Variants in ARMH1 observed in about 807,000 individuals in gnomAD.
ARMH1 encodes armadillo-like helical domain containing protein 1.
Under a neutral mutation model 50.2 loss-of-function variants are expected in ARMH1, and 34 were observed. The observed-to-expected ratio is 0.68, with a 90% CI of 0.51 to 0.90. ARMH1 has a LOEUF of 0.90. Among genes scored for constraint, ARMH1 ranks in the 40% least tolerant of loss-of-function variants. The probability of loss-of-function intolerance (pLI) is 0.00; values close to 1 mark genes in which losing one functional copy is unlikely to be tolerated. For synonymous variants in ARMH1, 221 were observed against 224.2 expected (o/e 0.99, Z 0.13); for missense variants, 538 against 553.9 (o/e 0.97, Z 0.29).
Position 44,683,583 on chromosome 1 carries a change from G to C in ARMH1, c.-22-6093G>C, listed in dbSNP as rs1375235400. Among the ~76,000 whole-genome samples the C allele has an allele frequency of 1.3e-5, 2 of 152,238 alleles. No homozygotes were observed. The highest frequency in any genetic ancestry group is 2.9e-5 in the Non-Finnish European group (2 of 68,052). On this transcript the variant is annotated intron_variant, in intron 1 of 11. Coordinates refer to ENST00000535358, the MANE Select transcript of ARMH1 (RefSeq NM_001145636.2). The surrounding 1 kb of genome is among the most constrained non-coding windows in gnomAD (Gnocchi z 4.2). Reference sequence around the variant, plus strand: ...GAAAAGAGTCATTCACAATCCATCAGAGAGACCAAGCACGCTGGGACGGTG... The same window carrying C: ...GAAAAGAGTCATTCACAATCCATCACAGAGACCAAGCACGCTGGGACGGTG...
intron 6 of ARMH1, among the ~76,000 whole-genome samples, chr1:44,707,237 T>C (rs1646385438): frequency 6.6e-6 from 1 of 151,932 alleles, no homozygotes; most frequent in Non-Finnish European, 1.5e-5. Context: ...AGGTCCTCAT[T>C]GCATGTTTGC....
intron 1 of ARMH1, among the ~76,000 whole-genome samples, chr1:44,675,561 G>A (rs1305499003): frequency 6.6e-6 from 1 of 152,152 alleles, no homozygotes; most frequent in Admixed American, 6.5e-5. Flanking sequence ...TACTTGGAAA[G>A]CTGAGGTGGG....
intron 6 of ARMH1, 79 bp downstream of exon 6, chr1:44,704,252 A>G: frequency 2.7e-6 from 3 of 1,096,184 alleles, no homozygotes; most frequent in Non-Finnish European, 4.1e-6. Context: ...TTAGTCACAA[A>G]GAGCCTTGAT....
rs1005866336 is a variant in ARMH1 at position 44,725,182 on chromosome 1, A to T, written c.1175A>T (p.Asp392Val). 1.9e-5 allele frequency: 30 copies of T among 1,551,920 alleles called. No homozygotes were observed. The highest frequency in any genetic ancestry group is 2.5e-5 in the Non-Finnish European group (29 of 1,147,056). Residue 392 changes from aspartate to valine, a missense_variant, in exon 11 of 12, where the codon GAC becomes GTC. Asp to Val is a radical substitution (Grantham distance 152, BLOSUM62 -3). Coordinates refer to ENST00000535358, the MANE Select transcript of ARMH1 (RefSeq NM_001145636.2). ...ATGAAAATAGACAGCATTCAGGCGG[A>T]CATCTTGGCGGCCAACACAGTCAAT... ...LYMKIDSIQADILAANTVNVT... is the reference protein window; with the variant it reads ...LYMKIDSIQAVILAANTVNVT...
intron 6 of ARMH1, among the ~76,000 whole-genome samples, chr1:44,713,097 C>A (rs1361285952): frequency 8.4e-6 from 1 of 118,858 alleles, no homozygotes; most frequent in Non-Finnish European, 1.7e-5. Flanking sequence ...TGCGCCCGGC[C>A]TTTTTTTTTT....
chr1:44,690,596 A>G (rs1645629436), intron 2 of ARMH1, among the ~76,000 whole-genome samples: 2 of 152,084 alleles, frequency 1.3e-5, no homozygotes, highest in South Asian at 4.1e-4. Context: ...AATCTCTTCT[A>G]CTTTAAAAAA....
At chr1:44,709,486 C>A (rs983367380) in intron 6 of ARMH1, among the ~76,000 whole-genome samples, 4 of 152,126 alleles carry the variant, frequency 2.6e-5, no homozygotes, top group Non-Finnish European at 5.9e-5. Context: ...TCCTGGCTAA[C>A]ACGGTGAAAC....
At chr1:44,721,835 G>A (rs537443475) in intron 6 of ARMH1, 23 of 152,178 alleles carry the variant, frequency 1.5e-4, no homozygotes, top group Admixed American at 4.6e-4. Context: ...ACTCATAGTT[G>A]TTTTTCTCCA....
At chr1:44,680,008 T>C (rs559721818) in intron 1 of ARMH1, among the ~76,000 whole-genome samples, 1 of 152,324 alleles carries the variant, frequency 6.6e-6, no homozygotes, top group East Asian at 1.9e-4. Context: ...AAACCCCTAG[T>C]TGTCCCAGGG....
At chr1:44,712,396 T>C (rs913493718) in intron 6 of ARMH1, among the ~76,000 whole-genome samples, 2 of 151,996 alleles carry the variant, frequency 1.3e-5, no homozygotes, top group Admixed American at 1.3e-4. Flanking sequence ...AGGCAGAGGT[T>C]GCAGTGAGCC....
chr1:44,690,788 C>T (rs1645635093), intron 2 of ARMH1, among the ~76,000 whole-genome samples: 1 of 152,096 alleles, frequency 6.6e-6, no homozygotes. Context: ...AAGTGATTCT[C>T]CTGCCTCAGC....
intron 6 of ARMH1, among the ~76,000 whole-genome samples, chr1:44,720,197 C>CAAAAAA (rs35873369): frequency 7.2e-5 from 5 of 69,198 alleles, no homozygotes; most frequent in African/African-American, 2.5e-4. Flanking sequence ...AACTCTGTCT[C>CAAAAAA]AAAAAAAAAA....
intron 6 of ARMH1, among the ~76,000 whole-genome samples, chr1:44,719,682 G>C (rs1400111160): frequency 6.6e-6 from 1 of 152,222 alleles, no homozygotes; most frequent in Non-Finnish European, 1.5e-5. Flanking sequence ...AGTAAAGTTT[G>C]CAGGAGCTGA....
chr1:44,693,177 G>A (rs1645714790), intron 2 of ARMH1, among the ~76,000 whole-genome samples: 1 of 152,242 alleles, frequency 6.6e-6, no homozygotes, highest in Non-Finnish European at 1.5e-5. Flanking sequence ...CAAGTACTCT[G>A]TGTGGCTGTA....
At position 44,724,328 on chromosome 1, in the gene ARMH1, G is replaced by A. The variant is rs1457201427; in HGVS notation, c.856G>A (p.Val286Ile). 1.3e-6 allele frequency: 2 copies of A among 1,551,532 alleles called. No homozygotes were observed. Among genetic ancestry groups the A allele is most frequent in the East Asian group, 4.9e-5 (2 of 40,910 alleles). ...GGCTGCCCCCTCCTCAGACCCCTCG[G>A]TTCTCCAGCTCACCCCCAGCCTGCC... is the stretch of plus-strand genomic sequence containing the variant. ...LQAKILSDPS[V>I]LQLTPSLPMF... The change falls in exon 8 of 12, where the codon GTT becomes ATT. Residue 286 changes from valine to isoleucine, a missense_variant. Coordinates refer to ENST00000535358, the MANE Select transcript of ARMH1 (RefSeq NM_001145636.2). This position sits in a 1 kb window ranked among gnomAD's most constrained non-coding sequence, Gnocchi z 6.4.
In ARMH1 at chr1:44,725,137, G is replaced by A; in HGVS notation, c.1130G>A (p.Ser377Asn). The A allele has an allele frequency of 1.3e-6, 2 of 1,551,908 alleles. No individual in the cohort carries two copies. Among genetic ancestry groups the A allele is most frequent in the Non-Finnish European group, 1.7e-6 (2 of 1,147,024 alleles). The change falls in exon 11 of 12, where the codon AGC becomes AAC. Residue 377 changes from serine to asparagine, a missense_variant and splice_region_variant. Physicochemically the swap from Ser to Asn is conservative, Grantham distance 46 (BLOSUM62 1). Transcript: ENST00000535358. ...MGEELYQLFLSNAEDLYMKID... is the reference protein window; with the variant it reads ...MGEELYQLFLNNAEDLYMKID... ...GGTCCCCCTTGCTCCTGTCCTCAGA[G>A]CAACGCTGAGGACTTGTACATGAAA...
At chr1:44,695,922 G>A (rs1362619522) in intron 2 of ARMH1, among the ~76,000 whole-genome samples, 2 of 147,958 alleles carry the variant, frequency 1.4e-5, no homozygotes, top group Non-Finnish European at 3.0e-5. Flanking sequence ...CCCAGCCTGG[G>A]CAACAGAGTG....
chr1:44,721,647 T>C (rs928631076), intron 6 of ARMH1: 24 of 152,106 alleles, frequency 1.6e-4, no homozygotes, highest in African/African-American at 4.3e-4. Flanking sequence ...GAGGATTGCT[T>C]GAGCATGGGA....
chr1:44,684,994 C>A (rs1370143209), intron 1 of ARMH1, among the ~76,000 whole-genome samples: 1 of 152,036 alleles, frequency 6.6e-6, no homozygotes, highest in Non-Finnish European at 1.5e-5. Flanking sequence ...AAAGTCTTCT[C>A]CAGAGACCCT....
Sources: gnomAD v4.1 joint callset for allele counts (sites outside exome capture counted in the v4.1 genomes callset) on GRCh38, gnomAD v4.1.1 for gene constraint, Gnocchi (gnomAD v3.1) non-coding constraint, MANE v1.5 for transcripts, NCBI Gene and HGNC (gene_info 2026-07-23, HGNC 2026-07-21) for gene names.